The following CSMD1 variants were observed in gnomAD, a reference collection of about 807,000 sequenced individuals.
CSMD1 encodes CUB and Sushi multiple domains 1.
A neutral mutation model predicts 417.5 loss-of-function variants in CSMD1; 213 were observed. That is an observed-to-expected ratio of 0.51 (90% CI 0.46 to 0.57). The LOEUF (loss-of-function observed/expected upper bound fraction) is 0.57. Among genes scored for constraint, CSMD1 ranks in the 20% least tolerant of loss-of-function variants. The probability of loss-of-function intolerance (pLI) is 0.00; values close to 1 mark genes in which losing one functional copy is unlikely to be tolerated. For missense variants in CSMD1, 6,923 were observed against 4,529.7 expected (o/e 1.53, Z -15.17); for synonymous variants, 2,862 against 1,736.8 (o/e 1.65, Z -16.11).
At chr8:3,344,441 C>T (rs1458735891) in intron 22 of CSMD1, among the ~76,000 whole-genome samples, 1 of 152,128 alleles carries the variant, frequency 6.6e-6, no homozygotes, top group Admixed American at 6.6e-5. Flanking sequence ...GCACACGTAT[C>T]CCAGAGCTTA....
At chr8:4,276,225 T>C (rs1220133680) in intron 3 of CSMD1, among the ~76,000 whole-genome samples, 1 of 152,134 alleles carries the variant, frequency 6.6e-6, no homozygotes, top group African/African-American at 2.4e-5. Flanking sequence ...CTAACGCAAA[T>C]GCCCATCAAC....
At chr8:3,916,977 C>G (rs1485479772) in intron 5 of CSMD1, among the ~76,000 whole-genome samples, 4 of 152,096 alleles carry the variant, frequency 2.6e-5, no homozygotes, top group Non-Finnish European at 5.9e-5. Context: ...TTTCCTGAGG[C>G]AAAATGGTGA....
At chr8:3,482,980 A>T (rs1322132004) in intron 11 of CSMD1, among the ~76,000 whole-genome samples, 1 of 152,156 alleles carries the variant, frequency 6.6e-6, no homozygotes, top group Non-Finnish European at 1.5e-5. Flanking sequence ...CAGATAAAAC[A>T]GTGCCAAGAG....
chr8:4,575,341 G>C lies in CSMD1; in HGVS notation c.302+62001C>G, dbSNP rs73184973. ...GTGATTCTGCAAAGTGGCAATAACA[G>C]GTCACATTTTTATTAAAGTTGCGGG... On this transcript the variant is annotated intron_variant, in intron 2 of 69. Transcript: ENST00000635120. 2.0e-4 allele frequency among the ~76,000 whole-genome samples: 30 copies of C among 152,262 alleles called. No individual in the cohort carries two copies. The South Asian group carries it at 5.8e-3, about 30-fold the overall frequency.
chr8:3,995,928 G>T (rs1368081211), intron 5 of CSMD1, among the ~76,000 whole-genome samples: 1 of 152,162 alleles, frequency 6.6e-6, no homozygotes, highest in Non-Finnish European at 1.5e-5. Flanking sequence ...AGATTCCAGT[G>T]ATGTAGAAGA....
intron 11 of CSMD1, among the ~76,000 whole-genome samples, chr8:3,483,901 C>T (rs1817881909): frequency 6.6e-6 from 1 of 152,258 alleles, no homozygotes; most frequent in South Asian, 2.1e-4. Context: ...GATATATCAG[C>T]TAATGCCAAA....
intron 5 of CSMD1, among the ~76,000 whole-genome samples, chr8:3,940,415 T>C (rs975931084): frequency 6.6e-6 from 1 of 152,060 alleles, no homozygotes; most frequent in African/African-American, 2.4e-5. Context: ...AAAATGTTTA[T>C]AATATGTATG....
chr8:4,768,314 C>T (rs1249122169), intron 1 of CSMD1, among the ~76,000 whole-genome samples: 3 of 151,982 alleles, frequency 2.0e-5, no homozygotes, highest in Non-Finnish European at 2.9e-5. Flanking sequence ...TTCGTATACT[C>T]GCCTATGATC....
intron 4 of CSMD1, among the ~76,000 whole-genome samples, chr8:4,001,293 C>G (rs1362673324): frequency 1.3e-5 from 2 of 152,186 alleles, no homozygotes; most frequent in East Asian, 3.9e-4. Context: ...TTACAGGCAG[C>G]CAACATAACA....
intron 3 of CSMD1, among the ~76,000 whole-genome samples, chr8:4,305,814 A>G (rs1798211613): frequency 6.6e-6 from 1 of 152,126 alleles, no homozygotes; most frequent in Non-Finnish European, 1.5e-5. Flanking sequence ...AAGCAGGAAA[A>G]CAACCTCTCA....
intron 7 of CSMD1, among the ~76,000 whole-genome samples, chr8:3,635,051 A>C (rs1444585315): frequency 6.6e-6 from 1 of 152,036 alleles, no homozygotes; most frequent in Non-Finnish European, 1.5e-5. Context: ...TTAATGATAA[A>C]AAAAAAAATG....
At chr8:3,063,463 G>C (rs1322238931) in intron 49 of CSMD1, among the ~76,000 whole-genome samples, 1 of 152,144 alleles carries the variant, frequency 6.6e-6, no homozygotes, top group South Asian at 2.1e-4. Flanking sequence ...ATTAAAAATA[G>C]AATTACCATA....
chr8:3,221,351 G>C (rs1307142055), intron 28 of CSMD1, among the ~76,000 whole-genome samples: 1 of 152,146 alleles, frequency 6.6e-6, no homozygotes, highest in Non-Finnish European at 1.5e-5. Flanking sequence ...GAGTTACTAG[G>C]TATAGGCGCT....
chr8:4,004,279 T>A (rs1471088692), intron 4 of CSMD1, among the ~76,000 whole-genome samples: 1 of 152,116 alleles, frequency 6.6e-6, no homozygotes, highest in Non-Finnish European at 1.5e-5. Flanking sequence ...CATTCATGAA[T>A]AATGAATGAA....
At chr8:3,566,016 G>A (rs546014988) in intron 10 of CSMD1, among the ~76,000 whole-genome samples, 7 of 152,144 alleles carry the variant, frequency 4.6e-5, no homozygotes, top group Non-Finnish European at 1.0e-4. Context: ...TTTCCTTTGA[G>A]AATAAAACAT....
intron 2 of CSMD1, among the ~76,000 whole-genome samples, chr8:4,427,042 G>GA (rs573680466): frequency 6.6e-5 from 10 of 152,084 alleles, no homozygotes; most frequent in Non-Finnish European, 1.5e-4. Context: ...AACTGGTGTA[G>GA]ACGGAACAGC....
At chr8:4,605,438 G>T (rs991806640) in intron 2 of CSMD1, among the ~76,000 whole-genome samples, 3 of 152,182 alleles carry the variant, frequency 2.0e-5, no homozygotes, top group South Asian at 2.1e-4. Flanking sequence ...AGACTATAAT[G>T]GTCCCCAGAA....
intron 5 of CSMD1, among the ~76,000 whole-genome samples, chr8:3,781,723 G>C (rs150690434): frequency 6.6e-6 from 1 of 152,176 alleles, no homozygotes; most frequent in African/African-American, 2.4e-5. Context: ...CCCCATGTGA[G>C]GGGGCCAATA....
At chr8:3,859,734 C>T (rs1263185275) in intron 5 of CSMD1, among the ~76,000 whole-genome samples, 5 of 152,104 alleles carry the variant, frequency 3.3e-5, no homozygotes, top group Admixed American at 6.6e-5. Flanking sequence ...CACAGAAACC[C>T]GGGCAGTCTT....
Sources: allele counts gnomAD v4.1 joint callset (sites outside exome capture counted in the v4.1 genomes callset), GRCh38; gene constraint gnomAD v4.1.1; transcripts MANE v1.5; gene names NCBI Gene and HGNC (gene_info 2026-07-23, HGNC 2026-07-21).